SEPTIN7: variants seen among roughly 807,000 people sequenced by gnomAD.
The protein encoded by SEPTIN7 is septin 7, also known as septin-7.
SEPTIN7 carries 10 observed loss-of-function variants against 63.3 expected under a neutral mutation model. That is an observed-to-expected ratio of 0.16 (90% CI 0.10 to 0.27). The LOEUF (loss-of-function observed/expected upper bound fraction) is 0.27, where lower values mean the gene tolerates loss of function less well. Among genes scored for constraint, SEPTIN7 ranks in the 10% least tolerant of loss-of-function variants. The pLI is 1.00. For synonymous variants in SEPTIN7, 131 were observed against 165.3 expected (o/e 0.79, Z 1.59); for missense variants, 310 against 521.0 (o/e 0.59, Z 3.94).
At chr7:35,825,234 A>G (rs1318983351) in intron 1 of SEPTIN7, among the ~76,000 whole-genome samples, 1 of 152,166 alleles carries the variant, frequency 6.6e-6, no homozygotes, top group Non-Finnish European at 1.5e-5. Flanking sequence ...TGTTCTTCCT[A>G]AGCTTTCAAG....
chr7:35,909,142 A>G (rs1583667356), downstream of SEPTIN7, among the ~76,000 whole-genome samples: 1 of 152,198 alleles, frequency 6.6e-6, no homozygotes, highest in African/African-American at 2.4e-5. Flanking sequence ...TTCCTTAGGG[A>G]TAACTCTCAA....
chr7:35,883,150 A>G (rs753730466), intron 8 of SEPTIN7, among the ~76,000 whole-genome samples: 1 of 152,168 alleles, frequency 6.6e-6, no homozygotes, highest in Non-Finnish European at 1.5e-5. Context: ...TCAGAATACC[A>G]TACTGTACCC....
intron 1 of SEPTIN7, among the ~76,000 whole-genome samples, chr7:35,801,982 G>A (rs1204130628): frequency 6.6e-6 from 1 of 152,196 alleles, no homozygotes; most frequent in Non-Finnish European, 1.5e-5. Context: ...GGGAGAATCG[G>A]TAGTTTGGTT....
At chr7:35,875,751 AC>A (rs1318601424) in intron 6 of SEPTIN7, among the ~76,000 whole-genome samples, 1 of 152,158 alleles carries the variant, frequency 6.6e-6, no homozygotes, top group Non-Finnish European at 1.5e-5. Context: ...TGAGTTTTAT[AC>A]AGAAGGATTT....
At chr7:35,813,354 A>G (rs1229503455) in intron 1 of SEPTIN7, among the ~76,000 whole-genome samples, 1 of 151,382 alleles carries the variant, frequency 6.6e-6, no homozygotes, top group African/African-American at 2.4e-5. Context: ...AGTAATATTC[A>G]GTATTCCTTT....
At chr7:35,846,170 C>CT (rs1407697727) in intron 3 of SEPTIN7, among the ~76,000 whole-genome samples, 1 of 152,122 alleles carries the variant, frequency 6.6e-6, no homozygotes, top group Non-Finnish European at 1.5e-5. Context: ...ATTTTGTATA[C>CT]TTTCTTCATC....
chr7:35,889,326 T>C (rs1787492257), intron 10 of SEPTIN7, among the ~76,000 whole-genome samples: 1 of 152,168 alleles, frequency 6.6e-6, no homozygotes, highest in South Asian at 2.1e-4. Flanking sequence ...GTGAATTTAT[T>C]GAGGGACAGA....
intron 13 of SEPTIN7, 39 bp from the exon 14 acceptor site, chr7:35,904,215 A>C (rs768780242): frequency 1.4e-6 from 2 of 1,454,560 alleles, no homozygotes; most frequent in Admixed American, 4.6e-5. Flanking sequence ...TGTTTATAAA[A>C]TGGTTACTCA....
chr7:35,856,275 G>A (rs543359153), intron 3 of SEPTIN7, among the ~76,000 whole-genome samples: 2 of 152,260 alleles, frequency 1.3e-5, no homozygotes, highest in Non-Finnish European at 2.9e-5. Flanking sequence ...GCTCACCAGC[G>A]TACATTGGTC....
At chr7:35,871,331 T>C (rs536695680) in intron 4 of SEPTIN7, among the ~76,000 whole-genome samples, 17 of 152,360 alleles carry the variant, frequency 1.1e-4, no homozygotes, top group African/African-American at 4.1e-4. Context: ...AACTCTTGAT[T>C]GCTGTAGACC....
intron 3 of SEPTIN7, among the ~76,000 whole-genome samples, chr7:35,841,024 G>A (rs1165420448): frequency 6.6e-6 from 1 of 152,118 alleles, no homozygotes; most frequent in East Asian, 1.9e-4. Flanking sequence ...ATGGAACAGT[G>A]TAGTTAGGAA....
Position 35,801,060 on chromosome 7 carries a change from C to T in SEPTIN7, c.-150C>T. The T allele has an allele frequency of 1.9e-6, 1 of 516,286 alleles. No homozygotes were observed. Among genetic ancestry groups the T allele is most frequent in the South Asian group, 3.3e-5 (1 of 30,410 alleles). 32.0% of individuals were successfully genotyped at this position (516,286 alleles called of 1,614,324 possible). ...GGGGGACGGAGGAGGGAGCGGGAGTCGAGCGAGAGCCTGTGGAGGAGTCCG... is the reference window on the plus strand; with the variant it reads ...GGGGGACGGAGGAGGGAGCGGGAGTTGAGCGAGAGCCTGTGGAGGAGTCCG... On this transcript the variant is annotated 5_prime_UTR_variant, in exon 1 of 14. Transcript: ENST00000350320.
intron 1 of SEPTIN7, chr7:35,811,944 C>T (rs1373835383): frequency 6.0e-6 from 1 of 166,168 alleles, no homozygotes; most frequent in Non-Finnish European, 1.3e-5. Flanking sequence ...ATCGCTTGAA[C>T]GTTTCAAAAA....
chr7:35,812,798 A>G (rs926414267), intron 1 of SEPTIN7, among the ~76,000 whole-genome samples: 10 of 152,226 alleles, frequency 6.6e-5, no homozygotes, highest in African/African-American at 2.4e-4. Context: ...TTACTTTTAC[A>G]AAATAACTTA....
intron 1 of SEPTIN7, among the ~76,000 whole-genome samples, chr7:35,824,773 C>T (rs1213871582): frequency 6.6e-6 from 1 of 152,048 alleles, no homozygotes; most frequent in African/African-American, 2.4e-5. Flanking sequence ...TCATAATAAC[C>T]ACATTTAAAA....
At chr7:35,880,179 A>ATTTT (rs143904452) in intron 7 of SEPTIN7, among the ~76,000 whole-genome samples, 13 of 102,026 alleles carry the variant, frequency 1.3e-4, no homozygotes, top group African/African-American at 4.7e-4. Context: ...CTTTAGAATT[A>ATTTT]TTTTCTTTTT....
rs188388780 is a variant in SEPTIN7, at chr7:35,879,181, G to C, written c.513-642G>C. ...CCAGATTGTAATGAATAAAAGGGAT[G>C]TTGAAGATTATCTTGTGAGCATCTT... On this transcript the variant is annotated intron_variant, in intron 6 of 13. Coordinates refer to ENST00000350320, the MANE Select transcript of SEPTIN7 (RefSeq NM_001788.6). Among the ~76,000 whole-genome samples the C allele has an allele frequency of 1.4e-4, 22 of 152,308 alleles. 1 individual carries two copies. Among genetic ancestry groups the C allele is most frequent in the Admixed American group, 1.1e-3 (17 of 15,296 alleles).
intron 3 of SEPTIN7, among the ~76,000 whole-genome samples, chr7:35,834,526 A>C (rs1244081576): frequency 6.6e-6 from 1 of 152,044 alleles, no homozygotes; most frequent in Non-Finnish European, 1.5e-5. Flanking sequence ...CCTAATGATA[A>C]GACTTCAACT....
Position 35,811,576 on chromosome 7 carries a change from G to A in SEPTIN7, c.61+10306G>A, listed in dbSNP as rs575811522. On this transcript the variant is annotated intron_variant, in intron 1 of 13. Coordinates refer to ENST00000350320, the MANE Select transcript of SEPTIN7 (RefSeq NM_001788.6). ...CTATAACTCACTAGGTGGGAAGTGG[G>A]GCTTAGAAGCTTGCTTATTAAGAGG... is the stretch of plus-strand genomic sequence containing the variant. Among the ~76,000 whole-genome samples, 3 of 152,166 alleles carry A rather than the reference G, an allele frequency of 2.0e-5. No individual in the cohort carries two copies. In the South Asian group the frequency reaches 6.2e-4, roughly 32 times the overall value.
Sources: gnomAD v4.1 joint callset for allele counts (sites outside exome capture counted in the v4.1 genomes callset) on GRCh38, gnomAD v4.1.1 for gene constraint, MANE v1.5 for transcripts, NCBI Gene and HGNC (gene_info 2026-07-23, HGNC 2026-07-21) for gene names.